Variants in ANGPT4 observed in about 807,000 individuals in gnomAD.
ANGPT4 encodes the protein angiopoietin 4.
In ANGPT4, 50 loss-of-function variants were observed where a neutral mutation model predicts 53.0. The ratio of observed to expected loss-of-function variants is 0.94; its 90% confidence interval spans 0.75 to 1.20. ANGPT4 has a LOEUF of 1.20. ANGPT4 is among the 50% of genes most tolerant of loss of function. The probability of loss-of-function intolerance (pLI) is 0.00; values close to 1 mark genes in which losing one functional copy is unlikely to be tolerated. For synonymous variants in ANGPT4, 251 were observed against 259.7 expected, an observed-to-expected ratio of 0.97 and a Z score of 0.32; for missense variants, 648 against 637.1, an observed-to-expected ratio of 1.02 and a Z score of -0.18.
chr20:880,583 G>A (rs1428834535), intron 5 of ANGPT4, among the ~76,000 whole-genome samples: 1 of 147,690 alleles, frequency 6.8e-6, no homozygotes, highest in African/African-American at 2.6e-5. Context: ...GCAAGACCCT[G>A]TCTCAAAAAA....
chr20:882,724 G>C (rs1257634285), intron 4 of ANGPT4, among the ~76,000 whole-genome samples: 1 of 152,176 alleles, frequency 6.6e-6, no homozygotes, highest in African/African-American at 2.4e-5. Context: ...ACAGAGCCAG[G>C]GTTGGCCTGA....
At chr20:897,510 C>T (rs566382107) in intron 1 of ANGPT4, among the ~76,000 whole-genome samples, 41 of 152,330 alleles carry the variant, frequency 2.7e-4, no homozygotes, top group African/African-American at 6.5e-4. Context: ...ACTGCAGCAC[C>T]GGTCATGGAC....
intron 1 of ANGPT4, among the ~76,000 whole-genome samples, chr20:899,289 C>T (rs1232289399): frequency 6.6e-6 from 1 of 151,858 alleles, no homozygotes; most frequent in Non-Finnish European, 1.5e-5. Flanking sequence ...TCTCTATTGC[C>T]CAGGCTGGAG....
intron 7 of ANGPT4, among the ~76,000 whole-genome samples, chr20:876,163 A>G (rs1981163910): frequency 2.7e-5 from 4 of 146,060 alleles, no homozygotes; most frequent in African/African-American, 5.2e-5. Context: ...AAAAAAAAAA[A>G]AAGAAGGTCT....
At chr20:904,681 C>G (rs146526968) in intron 1 of ANGPT4, among the ~76,000 whole-genome samples, 11 of 152,310 alleles carry the variant, frequency 7.2e-5, no homozygotes, top group Admixed American at 1.3e-4. Context: ...GGCTGGAGTG[C>G]AATGGTGTGA....
At chr20:882,606 TG>T (rs1206647142) in intron 4 of ANGPT4, among the ~76,000 whole-genome samples, 2 of 152,100 alleles carry the variant, frequency 1.3e-5, no homozygotes, top group Non-Finnish European at 2.9e-5. Flanking sequence ...CCCCACCTGT[TG>T]GCACCCCCTC....
intron 8 of ANGPT4, among the ~76,000 whole-genome samples, 192 bp from the exon 9 acceptor site, chr20:873,312 C>A (rs1293311398): frequency 7.9e-5 from 12 of 152,062 alleles, no homozygotes; most frequent in Admixed American, 3.9e-4. Context: ...TCAGCCGGGG[C>A]CTCTAGAGGG....
At chr20:901,811 G>A (rs148117874) in intron 1 of ANGPT4, among the ~76,000 whole-genome samples, 6,255 of 152,288 alleles carry the variant, frequency 0.041, 182 homozygotes, top group Non-Finnish European at 0.064. Context: ...GCTACTTGCG[G>A]GGCTGAGGCA....
rs948301640 is a variant in ANGPT4, at chr20:870,638, C to T, written c.*2322G>A. On this transcript the variant is annotated 3_prime_UTR_variant, in exon 9 of 9. Coordinates refer to ENST00000381922, the MANE Select transcript of ANGPT4 (RefSeq NM_015985.4). Reference sequence around the variant, plus strand: ...GAGGGACTTGGGCCTTCAACCCACCCAGAGGAGTTCTGTCCCTGGGCCTCA... The same window carrying T: ...GAGGGACTTGGGCCTTCAACCCACCTAGAGGAGTTCTGTCCCTGGGCCTCA... The T allele has an allele frequency of 1.3e-5, 2 of 152,256 alleles. No homozygotes were observed. Among genetic ancestry groups the T allele is most frequent in the East Asian group, 3.8e-4 (2 of 5,200 alleles). The allele number at this position is 152,256 out of a possible 1,614,324, so 9.4% of individuals were successfully genotyped here.
intron 1 of ANGPT4, among the ~76,000 whole-genome samples, chr20:896,661 G>T (rs1474883503): frequency 6.6e-6 from 1 of 152,182 alleles, no homozygotes; most frequent in Non-Finnish European, 1.5e-5. Context: ...GTAGTGCTTT[G>T]TATGGATGAA....
rs1207736501 is a variant in ANGPT4, at chr20:872,285, A to C, written c.*675T>G. 6.6e-6 allele frequency: 1 copy of C among 152,200 alleles called. No homozygotes were observed. The highest frequency in any genetic ancestry group is 2.4e-5 in the African/African-American group (1 of 41,442). 9.4% of individuals were successfully genotyped at this position (152,200 alleles called of 1,614,324 possible). Reference sequence around the variant, plus strand: ...TAGGACATGCTGGAGGTGAAGGAGCATGTCCTTTTGGGTCTCCTAAAGACC... The same window carrying C: ...TAGGACATGCTGGAGGTGAAGGAGCCTGTCCTTTTGGGTCTCCTAAAGACC... On this transcript the variant is annotated 3_prime_UTR_variant, in exon 9 of 9. Coordinates refer to ENST00000381922, the MANE Select transcript of ANGPT4 (RefSeq NM_015985.4).
chr20:908,360 G>A lies in ANGPT4; in HGVS notation c.309+7546C>T, dbSNP rs1487277623. Among the ~76,000 whole-genome samples, 5 of 152,072 alleles carry A rather than the reference G, an allele frequency of 3.3e-5. No individual in the cohort carries two copies. Among genetic ancestry groups the A allele is most frequent in the African/African-American group, 1.2e-4 (5 of 41,400 alleles). ...TGCTTTTGGCCCATTCTACCCCCAGGGCCTTTGCACTTGCTGTCCCGTGTG... is the reference window on the plus strand; with the variant it reads ...TGCTTTTGGCCCATTCTACCCCCAGAGCCTTTGCACTTGCTGTCCCGTGTG... On this transcript the variant is annotated intron_variant, in intron 1 of 8. Coordinates refer to ENST00000381922, the MANE Select transcript of ANGPT4 (RefSeq NM_015985.4). This position sits in a 1 kb window ranked among gnomAD's most constrained non-coding sequence, Gnocchi z 4.9.
chr20:891,438 C>T (rs1447029522), intron 1 of ANGPT4, among the ~76,000 whole-genome samples: 2 of 152,228 alleles, frequency 1.3e-5, no homozygotes, highest in Non-Finnish European at 2.9e-5. Flanking sequence ...TCTGGCATGA[C>T]ACCAGTATGC....
intron 1 of ANGPT4, among the ~76,000 whole-genome samples, chr20:906,410 C>T (rs1162566769): frequency 6.6e-6 from 1 of 152,150 alleles, no homozygotes; most frequent in Non-Finnish European, 1.5e-5. Flanking sequence ...GAAAAAAACC[C>T]CAAGTCGGAA....
At chr20:880,385 G>C (rs1424030115) in intron 5 of ANGPT4, among the ~76,000 whole-genome samples, 1 of 152,106 alleles carries the variant, frequency 6.6e-6, no homozygotes, top group East Asian at 1.9e-4. Context: ...AGGAGTTTCA[G>C]ACCAGCCTGG....
chr20:890,123 A>G, intron 2 of ANGPT4, 90 bp downstream of exon 2: 1 of 1,497,558 alleles, frequency 6.7e-7, no homozygotes, highest in Non-Finnish European at 9.0e-7. Context: ...GACCCTACTC[A>G]GGGTCAGAGA....
chr20:888,180 C>T (rs1170289571), intron 3 of ANGPT4, 138 bp downstream of exon 3: 14 of 1,230,570 alleles, frequency 1.1e-5, no homozygotes, highest in South Asian at 4.7e-5. Context: ...AGGCCCTATC[C>T]CAGACACCAG....
At chr20:874,784 C>T (rs1600038555) in intron 7 of ANGPT4, among the ~76,000 whole-genome samples, 1 of 152,216 alleles carries the variant, frequency 6.6e-6, no homozygotes, top group Admixed American at 6.5e-5. Flanking sequence ...ACAATCACGG[C>T]TCATTACAAC....
chr20:887,636 CTTTT>C (rs55666688), intron 3 of ANGPT4, among the ~76,000 whole-genome samples: 31,260 of 130,592 alleles, frequency 0.24, 3,626 homozygotes, highest in East Asian at 0.49. Context: ...CTCATGACCG[CTTTT>C]TTTTTTTTTT....
Sources: gnomAD v4.1 joint callset for allele counts (sites outside exome capture counted in the v4.1 genomes callset) on GRCh38, gnomAD v4.1.1 for gene constraint, Gnocchi (gnomAD v3.1) non-coding constraint, MANE v1.5 for transcripts, NCBI Gene and HGNC (gene_info 2026-07-23, HGNC 2026-07-21) for gene names.